CHD6: variants seen among roughly 807,000 people sequenced by gnomAD.
The protein encoded by CHD6 is chromodomain helicase DNA binding protein 6, also known as ATP-dependent chromatin remodeler CHD6.
Under a neutral mutation model 276.9 loss-of-function variants are expected in CHD6, and 50 were observed. The observed-to-expected ratio is 0.18, with a 90% CI of 0.14 to 0.23. CHD6 has a LOEUF of 0.23. Ranked by LOEUF, CHD6 falls within the 10% of genes least tolerant of loss-of-function variation. CHD6 has a pLI of 1.00. For missense variants in CHD6, 2,564 were observed against 3,365.8 expected (o/e 0.76, Z 5.89); for synonymous variants, 1,173 against 1,229.3 (o/e 0.95, Z 0.96).
At chr20:41,465,716 T>C (rs1325119350) in intron 17 of CHD6, among the ~76,000 whole-genome samples, 3 of 152,238 alleles carry the variant, frequency 2.0e-5, no homozygotes, top group African/African-American at 7.2e-5. Context: ...TAAGGGAAGC[T>C]GGGTGAACTG....
intron 1 of CHD6, among the ~76,000 whole-genome samples, chr20:41,577,302 A>C (rs1183021984): frequency 2.0e-5 from 3 of 152,212 alleles, no homozygotes; most frequent in Non-Finnish European, 2.9e-5. Context: ...TAGCCTGAAA[A>C]TATATAGCTA....
chr20:41,497,657 A>C (rs2043720372), intron 7 of CHD6, 156 bp from the exon 8 acceptor site: 1 of 652,858 alleles, frequency 1.5e-6, no homozygotes, highest in Admixed American at 2.3e-5. Context: ...CCTTCCCCTT[A>C]AGGGCAACAA....
intron 5 of CHD6, among the ~76,000 whole-genome samples, chr20:41,506,085 T>C (rs1301279569): frequency 6.6e-6 from 1 of 152,140 alleles, no homozygotes; most frequent in Non-Finnish European, 1.5e-5. Context: ...AAACCCAATC[T>C]ATTTCTCACC....
intron 1 of CHD6, among the ~76,000 whole-genome samples, chr20:41,592,534 GAC>G (rs1227010180): frequency 2.0e-5 from 3 of 152,130 alleles, no homozygotes; most frequent in Non-Finnish European, 4.4e-5. Context: ...TATTAACAAT[GAC>G]ACAATAGTAG....
At chr20:41,486,616 T>C (rs1196931305) in intron 14 of CHD6, among the ~76,000 whole-genome samples, 8 of 152,112 alleles carry the variant, frequency 5.3e-5, no homozygotes, top group Admixed American at 2.0e-4. Context: ...CCCAACCCAC[T>C]TACACACCAT....
At chr20:41,490,552 C>T (rs1435129814) in intron 11 of CHD6, among the ~76,000 whole-genome samples, 1 of 152,184 alleles carries the variant, frequency 6.6e-6, no homozygotes, top group African/African-American at 2.4e-5. Context: ...GTGGCTCACA[C>T]CTGTAATCCC....
intron 1 of CHD6, among the ~76,000 whole-genome samples, chr20:41,556,753 T>C (rs1032507641): frequency 6.6e-6 from 1 of 152,192 alleles, no homozygotes; most frequent in African/African-American, 2.4e-5. Flanking sequence ...ACAAACGTCA[T>C]CAACATCAAT....
intron 16 of CHD6, among the ~76,000 whole-genome samples, chr20:41,480,066 T>C (rs2043260053): frequency 6.6e-6 from 1 of 152,168 alleles, no homozygotes; most frequent in Non-Finnish European, 1.5e-5. Flanking sequence ...GAGAGCAGAG[T>C]AAAACATTTT....
intron 1 of CHD6, among the ~76,000 whole-genome samples, chr20:41,617,752 C>G (rs2045947544): frequency 6.6e-6 from 1 of 151,904 alleles, no homozygotes; most frequent in Non-Finnish European, 1.5e-5. Flanking sequence ...GGAGGGGGTG[C>G]GCGATCCGAG....
intron 1 of CHD6, among the ~76,000 whole-genome samples, chr20:41,583,272 T>C (rs1451568660): frequency 6.6e-6 from 1 of 151,724 alleles, no homozygotes; most frequent in Non-Finnish European, 1.5e-5. Flanking sequence ...AAATCTTAAA[T>C]GCAGCCAGAG....
chr20:41,457,365 G>A lies in CHD6; in HGVS notation c.2728C>T (p.Arg910Ter). The A allele has an allele frequency of 6.2e-7, 1 of 1,614,104 alleles. No individual in the cohort carries two copies. The highest frequency in any genetic ancestry group is 8.5e-7 in the Non-Finnish European group (1 of 1,179,992). ...AACATCTCGCGCTCGTAGGAATTTC[G>A]AGTGATGAGGCGATACACCTTCACA... ...KAVKVYRLIT[R>*]NSYEREMFDK... The change falls in exon 18 of 37, where the codon CGA becomes TGA. Residue 910 changes from arginine to a stop codon, truncating the protein, a stop_gained. Coordinates refer to ENST00000373233, the MANE Select transcript of CHD6 (RefSeq NM_032221.5). LOFTEE classifies it high-confidence loss of function.
intron 17 of CHD6, among the ~76,000 whole-genome samples, chr20:41,461,364 C>T (rs932512846): frequency 3.9e-5 from 6 of 152,102 alleles, no homozygotes; most frequent in Non-Finnish European, 7.4e-5. Flanking sequence ...GCTGTGTCCC[C>T]ATCCAAATAT....
chr20:41,530,001 G>A (rs371959813), intron 3 of CHD6, among the ~76,000 whole-genome samples: 3 of 152,162 alleles, frequency 2.0e-5, no homozygotes, highest in East Asian at 1.9e-4. Context: ...TCACTTCCCC[G>A]ACTGGGGAAA....
chr20:41,511,263 C>T (rs1174125677), intron 5 of CHD6, among the ~76,000 whole-genome samples: 1 of 152,214 alleles, frequency 6.6e-6, no homozygotes, highest in Non-Finnish European at 1.5e-5. Context: ...CTGCTCCATA[C>T]AGTGTGAATT....
At position 41,448,118 on chromosome 20, in the gene CHD6, A is replaced by T. The variant is rs2048126165; in HGVS notation, c.3684-147T>A. ...AGAAGAGAAGGCACTAGAAAAACAA[A>T]ACATTATGGCAGACATTATTATGAT... is the stretch of plus-strand genomic sequence containing the variant. On this transcript the variant is annotated intron_variant, in intron 23 of 36. Coordinates refer to ENST00000373233, the MANE Select transcript of CHD6 (RefSeq NM_032221.5). 4 of 457,280 alleles carry T rather than the reference A, an allele frequency of 8.7e-6. No individual in the cohort carries two copies. The East Asian group carries it at 1.3e-4, about 15-fold the overall frequency. The allele number at this position is 457,280 out of a possible 1,614,324, so 28.3% of individuals were successfully genotyped here.
intron 36 of CHD6, among the ~76,000 whole-genome samples, chr20:41,409,360 G>A (rs2046776831): frequency 6.6e-6 from 1 of 152,182 alleles, no homozygotes; most frequent in African/African-American, 2.4e-5. Flanking sequence ...CCTGCGGAGG[G>A]GGCAAAGGGA....
intron 27 of CHD6, among the ~76,000 whole-genome samples, chr20:41,435,298 C>CA (rs1449427787): frequency 6.6e-6 from 1 of 152,080 alleles, no homozygotes; most frequent in Non-Finnish European, 1.5e-5. Flanking sequence ...ACTCCCACCT[C>CA]AAAAACCTAG....
intron 25 of CHD6, among the ~76,000 whole-genome samples, chr20:41,441,658 G>A (rs74357220): frequency 2.6e-5 from 4 of 151,424 alleles, no homozygotes; most frequent in Non-Finnish European, 4.4e-5. Context: ...GTGTGGATCT[G>A]AAGCCTAGAG....
At chr20:41,501,157 A>G (rs1359145061) in intron 5 of CHD6, among the ~76,000 whole-genome samples, 2 of 152,164 alleles carry the variant, frequency 1.3e-5, no homozygotes, top group African/African-American at 4.8e-5. Flanking sequence ...TTTATCCCAC[A>G]TTATTTATGG....
Sources: gnomAD v4.1 joint callset for allele counts (sites outside exome capture counted in the v4.1 genomes callset) on GRCh38, gnomAD v4.1.1 for gene constraint, MANE v1.5 for transcripts, NCBI Gene and HGNC (gene_info 2026-07-23, HGNC 2026-07-21) for gene names.